The following TMPRSS15 variants were observed in gnomAD, a reference collection of about 807,000 sequenced individuals.
The protein encoded by TMPRSS15 is transmembrane serine protease 15.
A neutral mutation model predicts 125.3 loss-of-function variants in TMPRSS15; 128 were observed. The observed-to-expected ratio is 1.02, with a 90% CI of 0.89 to 1.18. The LOEUF is 1.18. Ranked by LOEUF, TMPRSS15 falls within the 50% of genes most tolerant of loss-of-function variation. The probability of loss-of-function intolerance (pLI) is 0.00; values close to 1 mark genes in which losing one functional copy is unlikely to be tolerated. For synonymous variants in TMPRSS15, 446 were observed against 423.2 expected (o/e 1.05, Z -0.66); for missense variants, 1,283 against 1,212.7 (o/e 1.06, Z -0.86).
intron 16 of TMPRSS15, among the ~76,000 whole-genome samples, chr21:18,319,834 A>T (rs2075215906): frequency 6.6e-6 from 1 of 152,194 alleles, no homozygotes; most frequent in Non-Finnish European, 1.5e-5. Flanking sequence ...CTTTCCTCTC[A>T]GTATCTTACA....
intron 21 of TMPRSS15, among the ~76,000 whole-genome samples, chr21:18,290,387 G>T (rs1236616259): frequency 9.9e-5 from 15 of 151,974 alleles, no homozygotes; most frequent in Admixed American, 9.2e-4. Flanking sequence ...TTGACTTCAG[G>T]ACTAGGATAG....
At chr21:18,405,628 G>T (rs534826278), upstream of TMPRSS15, among the ~76,000 whole-genome samples, 3 of 152,214 alleles carry the variant, frequency 2.0e-5, no homozygotes, top group East Asian at 5.8e-4. Flanking sequence ...AAAACGTAGG[G>T]CATTAATAAT....
At chr21:18,442,979 G>T (rs1325656403) in intron 1 of TMPRSS15, among the ~76,000 whole-genome samples, 1 of 152,108 alleles carries the variant, frequency 6.6e-6, no homozygotes, top group Admixed American at 6.6e-5. Context: ...TGGGATGTAG[G>T]TTAATTAGAA....
chr21:18,446,857 G>T (rs191861959), intron 1 of TMPRSS15, among the ~76,000 whole-genome samples: 1 of 151,826 alleles, frequency 6.6e-6, no homozygotes, highest in African/African-American at 2.4e-5. Flanking sequence ...AAAGCTCCAT[G>T]ACATTGGTTT....
At chr21:18,386,463 T>G (rs2075944767) in intron 3 of TMPRSS15, among the ~76,000 whole-genome samples, 1 of 152,218 alleles carries the variant, frequency 6.6e-6, no homozygotes, top group Non-Finnish European at 1.5e-5. Context: ...AGCAGAATTT[T>G]ATATACAAAT....
chr21:18,339,007 T>A (rs2075421435), intron 13 of TMPRSS15, among the ~76,000 whole-genome samples: 1 of 152,152 alleles, frequency 6.6e-6, no homozygotes, highest in African/African-American at 2.4e-5. Context: ...ACATTTTTTT[T>A]TTCTCCAAAG....
At chr21:18,336,372 G>T (rs1238353529) in intron 13 of TMPRSS15, among the ~76,000 whole-genome samples, 2 of 152,022 alleles carry the variant, frequency 1.3e-5, no homozygotes, top group Non-Finnish European at 2.9e-5. Context: ...TTTCAAAATT[G>T]GCTATTGTTT....
intron 1 of TMPRSS15, among the ~76,000 whole-genome samples, chr21:18,457,533 T>C (rs1313933037): frequency 6.6e-6 from 1 of 152,098 alleles, no homozygotes; most frequent in Non-Finnish European, 1.5e-5. Context: ...TTCCAGGAAG[T>C]TTAGGAATGC....
At chr21:18,393,334 A>G (rs2076006515) in intron 3 of TMPRSS15, among the ~76,000 whole-genome samples, 2 of 152,248 alleles carry the variant, frequency 1.3e-5, no homozygotes, top group South Asian at 4.1e-4. Flanking sequence ...AGCATGTTCT[A>G]GTACCTAAAG....
intron 18 of TMPRSS15, among the ~76,000 whole-genome samples, chr21:18,312,381 C>G (rs2075109058): frequency 6.6e-6 from 1 of 151,462 alleles, no homozygotes; most frequent in Admixed American, 6.6e-5. Flanking sequence ...CTTGCATCAT[C>G]CTTGCTGAGA....
At chr21:18,482,513 G>C (rs1362908625) in intron 1 of TMPRSS15, among the ~76,000 whole-genome samples, 1 of 151,400 alleles carries the variant, frequency 6.6e-6, no homozygotes, top group Non-Finnish European at 1.5e-5. Flanking sequence ...ATCATTACAC[G>C]TCTATGCATG....
chr21:18,443,560 A>G (rs1197383064), intron 1 of TMPRSS15, among the ~76,000 whole-genome samples: 9 of 152,206 alleles, frequency 5.9e-5, no homozygotes, highest in Non-Finnish European at 1.3e-4. Flanking sequence ...TCTTGATTCC[A>G]AGGGAACCTC....
intron 1 of TMPRSS15, among the ~76,000 whole-genome samples, chr21:18,480,584 T>G (rs1480230695): frequency 6.6e-6 from 1 of 151,870 alleles, no homozygotes; most frequent in Non-Finnish European, 1.5e-5. Flanking sequence ...TGGATGGACT[T>G]TGAGTTCTTT....
intron 13 of TMPRSS15, among the ~76,000 whole-genome samples, chr21:18,338,758 G>A (rs995759541): frequency 6.9e-6 from 1 of 144,342 alleles, no homozygotes; most frequent in Non-Finnish European, 1.5e-5. Flanking sequence ...GAGAGGCTTA[G>A]TCTGTCTCTA....
At chr21:18,327,530 T>A in intron 15 of TMPRSS15, among the ~76,000 whole-genome samples, 1 of 152,310 alleles carries the variant, frequency 6.6e-6, no homozygotes, top group Non-Finnish European at 1.5e-5. Context: ...TGTAGAATTC[T>A]ACATAAGGGT....
intron 1 of TMPRSS15, among the ~76,000 whole-genome samples, chr21:18,476,451 G>C (rs1352554296): frequency 6.6e-6 from 1 of 152,044 alleles, no homozygotes; most frequent in African/African-American, 2.4e-5. Context: ...ATTAAAAAGA[G>C]ACAAGCTTTT....
chr21:18,302,148 T>C (rs747848939), intron 18 of TMPRSS15, among the ~76,000 whole-genome samples: 1 of 152,210 alleles, frequency 6.6e-6, no homozygotes, highest in Non-Finnish European at 1.5e-5. Flanking sequence ...AGAATAATAA[T>C]GCATGCTGCA....
At chr21:18,455,870 G>T (rs1317592104) in intron 1 of TMPRSS15, among the ~76,000 whole-genome samples, 1 of 152,072 alleles carries the variant, frequency 6.6e-6, no homozygotes, top group African/African-American at 2.4e-5. Flanking sequence ...AAGGAAATAG[G>T]AGTGAAAATG....
chr21:18,438,946 T>G (rs1159130108), intron 1 of TMPRSS15, among the ~76,000 whole-genome samples: 2 of 152,196 alleles, frequency 1.3e-5, no homozygotes, highest in African/African-American at 4.8e-5. Context: ...TGAAGCCCAG[T>G]AGTCTACATG....
Sources: gnomAD v4.1 joint callset for allele counts (sites outside exome capture counted in the v4.1 genomes callset) on GRCh38, gnomAD v4.1.1 for gene constraint, MANE v1.5 for transcripts, NCBI Gene and HGNC (gene_info 2026-07-23, HGNC 2026-07-21) for gene names.